AMN1: variants seen among roughly 807,000 people sequenced by gnomAD.
AMN1 encodes the protein protein AMN1 homolog.
In AMN1, 20 loss-of-function variants were observed where a neutral mutation model predicts 33.0. The observed-to-expected ratio is 0.61, with a 90% CI of 0.43 to 0.88. AMN1 has a LOEUF of 0.88. Ranked by LOEUF, AMN1 falls within the 40% of genes least tolerant of loss-of-function variation. AMN1 has a pLI of 0.00. For missense variants in AMN1, 246 were observed against 307.4 expected, an observed-to-expected ratio of 0.80 and a Z score of 1.49; for synonymous variants, 114 against 111.9, an observed-to-expected ratio of 1.02 and a Z score of -0.12.
intron 2 of AMN1, among the ~76,000 whole-genome samples, chr12:31,703,445 C>T (rs761947496): frequency 9.9e-5 from 15 of 152,042 alleles, no homozygotes; most frequent in Non-Finnish European, 2.1e-4. Flanking sequence ...TCCTTGCTTC[C>T]CTTCCTCCTT....
intron 2 of AMN1, among the ~76,000 whole-genome samples, chr12:31,703,301 T>C (rs1939087928): frequency 6.6e-6 from 1 of 152,162 alleles, no homozygotes; most frequent in Non-Finnish European, 1.5e-5. Context: ...TATATTAGCT[T>C]TTTAAAACTG....
upstream of AMN1, chr12:31,729,081 C>G: frequency 7.0e-7 from 1 of 1,424,718 alleles, no homozygotes; most frequent in African/African-American, 1.4e-5. Flanking sequence ...CCGCCAACTC[C>G]CGCCCACCGC....
At chr12:31,682,477 G>T (rs532881265) in intron 6 of AMN1, among the ~76,000 whole-genome samples, 2 of 133,666 alleles carry the variant, frequency 1.5e-5, no homozygotes, top group Admixed American at 1.7e-4. Context: ...GAGGGTGTAT[G>T]TGTCATGACG....
chr12:31,692,355 G>A (rs1206512242), intron 5 of AMN1, among the ~76,000 whole-genome samples: 2 of 151,464 alleles, frequency 1.3e-5, no homozygotes, highest in Admixed American at 6.6e-5. Context: ...TACTTGGGAA[G>A]CTGAGGCAGA....
intron 1 of AMN1, among the ~76,000 whole-genome samples, chr12:31,713,429 A>C (rs1327708743): frequency 6.6e-6 from 1 of 152,222 alleles, no homozygotes; most frequent in Non-Finnish European, 1.5e-5. Flanking sequence ...TTGTTTTATA[A>C]TAAAAAATTT....
rs1172640915 is a variant in AMN1, at chr12:31,703,056, T to TTCTC, written c.172-1053_172-1050dup. On this transcript the variant is annotated intron_variant, in intron 2 of 6. Transcript: ENST00000281471. ...CTGGCCTACATTATGTTATTTAATA[T>TTCTC]TCTCTCTCTCTCTCTTTCCACTGCC... 2.0e-5 allele frequency among the ~76,000 whole-genome samples: 3 copies of TTCTC among 151,548 alleles called. No homozygotes were observed. In the East Asian group the frequency reaches 5.8e-4, roughly 29 times the overall value.
At chr12:31,712,569 G>A (rs1354724656) in intron 1 of AMN1, among the ~76,000 whole-genome samples, 2 of 152,092 alleles carry the variant, frequency 1.3e-5, no homozygotes, top group Non-Finnish European at 2.9e-5. Flanking sequence ...TTTAATGGCT[G>A]AATAATATTC....
chr12:31,697,289 T>C (rs1162268960), intron 5 of AMN1, 72 bp downstream of exon 5: 3 of 1,365,362 alleles, frequency 2.2e-6, no homozygotes, highest in Non-Finnish European at 3.1e-6. Flanking sequence ...GGTTATCCGC[T>C]AGGTTTTAAA....
intron 2 of AMN1, among the ~76,000 whole-genome samples, chr12:31,704,183 T>C (rs1302272048): frequency 6.6e-6 from 1 of 152,192 alleles, no homozygotes; most frequent in Non-Finnish European, 1.5e-5. Flanking sequence ...CAATTTACAC[T>C]CTCACTAGCA....
chr12:31,729,065 G>T, upstream of AMN1: 1 of 1,464,834 alleles, frequency 6.8e-7, no homozygotes, highest in Non-Finnish European at 9.2e-7. Flanking sequence ...CCCAGCCAGG[G>T]ACCGTCCGCC....
In AMN1 at chr12:31,728,955, G is replaced by A; in HGVS notation, c.38+16C>T. On this transcript the variant is annotated intron_variant, in intron 1 of 6. Coordinates refer to ENST00000281471, the MANE Select transcript of AMN1 (RefSeq NM_001113402.2). Reference sequence around the variant, plus strand: ...GCTGGGGCGGCGCGAAGGGAGGCGGGACAGGGTAGACTCACAGATCCAGGA... The same window carrying A: ...GCTGGGGCGGCGCGAAGGGAGGCGGAACAGGGTAGACTCACAGATCCAGGA... 6.5e-7 allele frequency: 1 copy of A among 1,544,402 alleles called. No homozygotes were observed. The highest frequency in any genetic ancestry group is 8.8e-7 in the Non-Finnish European group (1 of 1,142,334).
chr12:31,724,385 T>C (rs1939986260), intron 1 of AMN1, among the ~76,000 whole-genome samples: 1 of 152,146 alleles, frequency 6.6e-6, no homozygotes, highest in African/African-American at 2.4e-5. Flanking sequence ...AGAAGGCTAC[T>C]AAATGGACAG....
At chr12:31,727,977 C>T (rs891144942) in intron 1 of AMN1, among the ~76,000 whole-genome samples, 7 of 152,124 alleles carry the variant, frequency 4.6e-5, no homozygotes, top group African/African-American at 1.7e-4. Context: ...TCAAGTGCCT[C>T]GGCCTCCCAA....
chr12:31,691,753 A>G (rs1938508745), intron 5 of AMN1, among the ~76,000 whole-genome samples: 1 of 152,236 alleles, frequency 6.6e-6, no homozygotes, highest in African/African-American at 2.4e-5. Context: ...AAGAAAAAAA[A>G]GAAAAGGTAT....
chr12:31,720,846 T>A (rs1442688991), intron 1 of AMN1, among the ~76,000 whole-genome samples: 1 of 152,256 alleles, frequency 6.6e-6, no homozygotes, highest in Non-Finnish European at 1.5e-5. Context: ...TTTCTACCTT[T>A]GGCTAATGTG....
intron 6 of AMN1, chr12:31,672,693 G>A: frequency 5.0e-6 from 1 of 200,766 alleles, no homozygotes; most frequent in South Asian, 1.1e-4. Flanking sequence ...CTGTGTTAAT[G>A]GTTAATAACT....
intron 6 of AMN1, among the ~76,000 whole-genome samples, chr12:31,677,658 C>G (rs192160975): frequency 2.9e-4 from 44 of 152,218 alleles, no homozygotes; most frequent in Admixed American, 1.0e-3. Context: ...GTACTTTGAA[C>G]TAAAGGACAT....
chr12:31,728,253 G>T (rs745765362), intron 1 of AMN1, among the ~76,000 whole-genome samples: 6 of 152,186 alleles, frequency 3.9e-5, no homozygotes, highest in Non-Finnish European at 2.9e-5. Context: ...CTGGAGAGAC[G>T]CAATTGCCCT....
chr12:31,708,299 C>CTGGGAGTGTCTGTCCTA (rs1221859464), intron 2 of AMN1, among the ~76,000 whole-genome samples: 1 of 152,092 alleles, frequency 6.6e-6, no homozygotes, highest in Non-Finnish European at 1.5e-5. Flanking sequence ...AATGGCCACT[C>CTGGGAGTGTCTGTCCTA]TGGGAGTGTC....
Sources: gnomAD v4.1 joint callset for allele counts (sites outside exome capture counted in the v4.1 genomes callset) on GRCh38, gnomAD v4.1.1 for gene constraint, MANE v1.5 for transcripts, NCBI Gene and HGNC (gene_info 2026-07-23, HGNC 2026-07-21) for gene names.